Variants in ZFAND6 observed in about 807,000 individuals in gnomAD.
ZFAND6 encodes AN1-type zinc finger protein 6.
In ZFAND6, 12 loss-of-function variants were observed where a neutral mutation model predicts 24.5. The ratio of observed to expected loss-of-function variants is 0.49; its 90% confidence interval spans 0.31 to 0.79. The LOEUF (loss-of-function observed/expected upper bound fraction) is 0.79. ZFAND6 is among the 30% of genes least tolerant of loss of function. The pLI, the probability that ZFAND6 is intolerant of heterozygous loss-of-function variation, is 0.04. For synonymous variants in ZFAND6, 92 were observed against 81.5 expected (o/e 1.13, Z -0.69); for missense variants, 207 against 245.9 (o/e 0.84, Z 1.06).
At chr15:80,123,645 T>C (rs1327626368) in intron 5 of ZFAND6, among the ~76,000 whole-genome samples, 4 of 152,226 alleles carry the variant, frequency 2.6e-5, no homozygotes, top group African/African-American at 9.6e-5. Flanking sequence ...CTTGTGCCTA[T>C]AATCCCTACC....
intron 1 of ZFAND6, among the ~76,000 whole-genome samples, chr15:80,091,160 GGTGTGTGT>G (rs61706731): frequency 6.7e-6 from 1 of 150,164 alleles, no homozygotes; most frequent in Non-Finnish European, 1.5e-5. Flanking sequence ...GTTGTTAAGG[GGTGTGTGT>G]GTGTGTGTGT....
At chr15:80,129,016 C>T (rs1343545677) in intron 5 of ZFAND6, among the ~76,000 whole-genome samples, 1 of 152,066 alleles carries the variant, frequency 6.6e-6, no homozygotes, top group Admixed American at 6.5e-5. Flanking sequence ...TTCTGGAGAA[C>T]AGGTTAGATA....
chr15:80,108,925 A>G (rs548822074), intron 2 of ZFAND6, among the ~76,000 whole-genome samples: 10 of 152,000 alleles, frequency 6.6e-5, no homozygotes, highest in Admixed American at 2.0e-4. Context: ...ACAGGATTTC[A>G]CCATGTTGAC....
intron 2 of ZFAND6, among the ~76,000 whole-genome samples, chr15:80,115,552 T>A (rs2039835463): frequency 6.6e-6 from 1 of 152,228 alleles, no homozygotes; most frequent in Non-Finnish European, 1.5e-5. Flanking sequence ...TTCCAGTTTC[T>A]TCATAGCTAC....
At chr15:80,064,629 C>G (rs2036515623) in intron 1 of ZFAND6, among the ~76,000 whole-genome samples, 1 of 139,070 alleles carries the variant, frequency 7.2e-6, no homozygotes, top group Non-Finnish European at 1.6e-5. Context: ...CACACACACA[C>G]GTATGTTTGG....
rs57835137 is a variant in ZFAND6, at chr15:80,108,735, GT to G, written c.-18+10165del. On this transcript the variant is annotated intron_variant, in intron 2 of 6. Coordinates refer to ENST00000261749, the MANE Select transcript of ZFAND6 (RefSeq NM_019006.4). ...TGAGGCCAGGCATCCTTGTTTTTTTGTTTTTTTTCTTTTTTTTTGGAGTCTC... is the reference window on the plus strand; with the variant it reads ...TGAGGCCAGGCATCCTTGTTTTTTTGTTTTTTTCTTTTTTTTTGGAGTCTC... Among the ~76,000 whole-genome samples the G allele has an allele frequency of 0.02, 3,080 of 151,164 alleles. 227 individuals carry two copies. The East Asian group carries it at 0.22, about 11-fold the overall frequency.
chr15:80,115,579 C>T (rs1221302071), intron 2 of ZFAND6, among the ~76,000 whole-genome samples: 1 of 152,180 alleles, frequency 6.6e-6, no homozygotes, highest in Non-Finnish European at 1.5e-5. Flanking sequence ...TATGCCATTA[C>T]ACATTCAGAT....
At chr15:80,127,419 C>G (rs2040412551) in intron 5 of ZFAND6, among the ~76,000 whole-genome samples, 1 of 152,044 alleles carries the variant, frequency 6.6e-6, no homozygotes, top group South Asian at 2.1e-4. Flanking sequence ...GAAACCCCAT[C>G]TCTACTAAAA....
intron 1 of ZFAND6, among the ~76,000 whole-genome samples, chr15:80,080,437 A>G (rs766846690): frequency 6.6e-6 from 1 of 152,248 alleles, no homozygotes; most frequent in Non-Finnish European, 1.5e-5. Flanking sequence ...TGTCCTATAC[A>G]TAAATACCTA....
intron 6 of ZFAND6, among the ~76,000 whole-genome samples, chr15:80,133,686 A>G (rs1462548832): frequency 6.6e-6 from 1 of 152,238 alleles, no homozygotes; most frequent in African/African-American, 2.4e-5. Context: ...ATTCTGGAAG[A>G]AAAAGGTCAC....
chr15:80,063,723 G>C (rs968938432), intron 1 of ZFAND6, among the ~76,000 whole-genome samples: 5 of 152,012 alleles, frequency 3.3e-5, no homozygotes, highest in Non-Finnish European at 7.4e-5. Context: ...GCTAATTTTT[G>C]TATTTTTAGT....
intron 2 of ZFAND6, among the ~76,000 whole-genome samples, chr15:80,103,037 G>C (rs1209882601): frequency 1.3e-5 from 2 of 152,206 alleles, no homozygotes; most frequent in Non-Finnish European, 2.9e-5. Context: ...GGTTCATCGG[G>C]TCAGTGTTCA....
At chr15:80,125,715 T>C (rs569175382) in intron 5 of ZFAND6, among the ~76,000 whole-genome samples, 9 of 152,358 alleles carry the variant, frequency 5.9e-5, no homozygotes, top group African/African-American at 2.2e-4. Flanking sequence ...TGGTACACTC[T>C]AAAACTGTTG....
intron 4 of ZFAND6, 30 bp from the exon 5 acceptor site, chr15:80,122,670 C>T: frequency 4.1e-6 from 6 of 1,448,144 alleles, no homozygotes; most frequent in Non-Finnish European, 5.8e-6. Flanking sequence ...TAGAGATCAC[C>T]TTTTAAAATG....
chr15:80,082,011 AAG>A (rs2037698775), intron 1 of ZFAND6, among the ~76,000 whole-genome samples: 1 of 152,206 alleles, frequency 6.6e-6, no homozygotes. Flanking sequence ...TTTACCCGGA[AAG>A]AGGCAATCCT....
At chr15:80,103,630 A>G (rs1203195668) in intron 2 of ZFAND6, among the ~76,000 whole-genome samples, 1 of 152,216 alleles carries the variant, frequency 6.6e-6, no homozygotes, top group Non-Finnish European at 1.5e-5. Flanking sequence ...CCTTTATTTA[A>G]TTGAAATCTT....
intron 2 of ZFAND6, among the ~76,000 whole-genome samples, chr15:80,102,626 T>TA (rs1323480784): frequency 6.6e-5 from 10 of 152,216 alleles, no homozygotes; most frequent in African/African-American, 2.4e-4. Context: ...CACATTAATT[T>TA]AGAGTCTTTC....
intron 1 of ZFAND6, among the ~76,000 whole-genome samples, chr15:80,063,826 C>T (rs1355912272): frequency 6.6e-6 from 1 of 152,188 alleles, no homozygotes; most frequent in African/African-American, 2.4e-5. Context: ...GCTAGGGTTA[C>T]AGGTGTGAGC....
At chr15:80,076,656 G>C (rs2037298158) in intron 1 of ZFAND6, among the ~76,000 whole-genome samples, 1 of 152,146 alleles carries the variant, frequency 6.6e-6, no homozygotes, top group Non-Finnish European at 1.5e-5. Context: ...ATTTAGAAAG[G>C]CTAGCTAATT....
Sources: gnomAD v4.1 joint callset for allele counts (sites outside exome capture counted in the v4.1 genomes callset) on GRCh38, gnomAD v4.1.1 for gene constraint, MANE v1.5 for transcripts, NCBI Gene and HGNC (gene_info 2026-07-23, HGNC 2026-07-21) for gene names.